The following GSDMC variants were observed in gnomAD, a reference collection of about 807,000 sequenced individuals.
The protein encoded by GSDMC is gasdermin C.
In GSDMC, 59 loss-of-function variants were observed where a neutral mutation model predicts 58.0. The ratio of observed to expected loss-of-function variants is 1.02; its 90% CI spans 0.82 to 1.26. The LOEUF (loss-of-function observed/expected upper bound fraction) is 1.26. Among genes scored for constraint, GSDMC ranks in the 50% most tolerant of loss-of-function variants. The pLI, the probability that GSDMC is intolerant of heterozygous loss-of-function variation, is 0.00. For synonymous variants in GSDMC, 241 were observed against 220.2 expected, an observed-to-expected ratio of 1.09 and a Z score of -0.83; for missense variants, 659 against 598.5, an observed-to-expected ratio of 1.10 and a Z score of -1.06.
At chr8:129,728,991 A>G in the GSDMC span, 1 of 666,530 alleles carries the variant, frequency 1.5e-6, no homozygotes. Flanking sequence ...GCGGGAGACC[A>G]AGAGCTTGCT....
the GSDMC span, among the ~76,000 whole-genome samples, chr8:129,741,866 T>G: frequency 6.8e-6 from 1 of 147,610 alleles, no homozygotes; most frequent in Non-Finnish European, 1.5e-5. Flanking sequence ...TTACAATAGA[T>G]GAAACCAATC....
the GSDMC span, among the ~76,000 whole-genome samples, chr8:129,710,646 A>G: frequency 6.6e-6 from 1 of 152,224 alleles, no homozygotes; most frequent in African/African-American, 2.4e-5. Context: ...ACAGCCTGAA[A>G]GAGTCAGCAG....
the GSDMC span, among the ~76,000 whole-genome samples, chr8:129,718,875 C>T: frequency 0.033 from 5,011 of 152,250 alleles, 133 homozygotes; most frequent in Non-Finnish European, 0.048. Flanking sequence ...GAGTTCATGT[C>T]CTTTGCAGGG....
At chr8:129,741,330 C>A in the GSDMC span, among the ~76,000 whole-genome samples, 1 of 151,932 alleles carries the variant, frequency 6.6e-6, no homozygotes, top group Admixed American at 6.6e-5. Flanking sequence ...TATTCACAGT[C>A]TTTTCTGGTT....
At chr8:129,732,386 AG>A in the GSDMC span, among the ~76,000 whole-genome samples, 4 of 151,928 alleles carry the variant, frequency 2.6e-5, no homozygotes, top group Admixed American at 6.6e-5. Context: ...CCCCCTAGGG[AG>A]GGGGGAAAAG....
At chr8:129,715,585 A>G in the GSDMC span, among the ~76,000 whole-genome samples, 1 of 152,194 alleles carries the variant, frequency 6.6e-6, no homozygotes, top group Non-Finnish European at 1.5e-5. Flanking sequence ...GAGTTTCAAA[A>G]TCAAACTAAA....
chr8:129,720,049 C>A, the GSDMC span, among the ~76,000 whole-genome samples: 100,821 of 152,084 alleles, frequency 0.66, 35,557 homozygotes, highest in African/African-American at 0.91. Flanking sequence ...TCCCTATGAA[C>A]AATTCGAAAC....
At chr8:129,752,583 T>C (rs2033253636) in intron 7 of GSDMC, 115 bp downstream of exon 7, 1 of 1,438,634 alleles carries the variant, frequency 7.0e-7, no homozygotes, top group African/African-American at 1.4e-5. Flanking sequence ...AGCAAGATGG[T>C]GCAATAGAAG....
chr8:129,779,858 G>A (rs1317315685), intron 1 of GSDMC, among the ~76,000 whole-genome samples: 1 of 151,882 alleles, frequency 6.6e-6, no homozygotes, highest in Non-Finnish European at 1.5e-5. Flanking sequence ...GCTGTTTTGA[G>A]GACACTCAAA....
At chr8:129,761,210 T>C (rs2033648622) in intron 5 of GSDMC, among the ~76,000 whole-genome samples, 1 of 152,278 alleles carries the variant, frequency 6.6e-6, no homozygotes, top group African/African-American at 2.4e-5. Flanking sequence ...TGGAGATACA[T>C]GCCCAGCAAT....
chr8:129,737,786 G>A, the GSDMC span, among the ~76,000 whole-genome samples: 1 of 152,094 alleles, frequency 6.6e-6, no homozygotes, highest in Admixed American at 6.5e-5. Context: ...CAAAAGCAAT[G>A]GCAACAAAAG....
intron 1 of GSDMC, among the ~76,000 whole-genome samples, chr8:129,782,555 G>T (rs1244953650): frequency 1.3e-5 from 2 of 152,026 alleles, no homozygotes; most frequent in African/African-American, 2.4e-5. Context: ...GGAATTCAAA[G>T]GATTATTGGC....
chr8:129,707,246 A>G, the GSDMC span: 1 of 152,180 alleles, frequency 6.6e-6, no homozygotes, highest in Non-Finnish European at 1.5e-5. Context: ...CAGGCATCTA[A>G]AAAATATTTG....
chr8:129,761,150 C>T (rs2033645456), intron 5 of GSDMC, among the ~76,000 whole-genome samples: 1 of 152,160 alleles, frequency 6.6e-6, no homozygotes, highest in Non-Finnish European at 1.5e-5. Flanking sequence ...TGTCAGACGC[C>T]TCACTGTAAA....
intron 7 of GSDMC, 76 bp from the exon 8 acceptor site, chr8:129,752,223 C>T (rs753187259): frequency 7.1e-5 from 81 of 1,141,966 alleles, no homozygotes; most frequent in Non-Finnish European, 1.0e-4. Flanking sequence ...TTCTTTCCCT[C>T]TTGGTCTCAC....
At chr8:129,778,185 T>A (rs1170203139) in intron 1 of GSDMC, among the ~76,000 whole-genome samples, 2 of 152,120 alleles carry the variant, frequency 1.3e-5, no homozygotes, top group East Asian at 1.9e-4. Context: ...AGGCAGGGCA[T>A]AAACAATGAA....
chr8:129,744,859 A>G (rs905237101), downstream of GSDMC, among the ~76,000 whole-genome samples: 4 of 152,238 alleles, frequency 2.6e-5, no homozygotes, highest in African/African-American at 4.8e-5. Context: ...TGCTCATTTA[A>G]CAATGCTATC....
In GSDMC at chr8:129,749,495, G is replaced by T. The variant is rs756962115; in HGVS notation, c.1244C>A (p.Ala415Asp). 1.2e-5 allele frequency: 20 copies of T among 1,613,742 alleles called. No individual in the cohort carries two copies. The East Asian group carries it at 4.5e-4, about 36-fold the overall frequency. ...CAGGATCCTCTTCTCCATGGAACAGGCCAGCAAATCGTGTTGGAAGTCACT... is the reference window on the plus strand; with the variant it reads ...CAGGATCCTCTTCTCCATGGAACAGTCCAGCAAATCGTGTTGGAAGTCACT... The part of the protein sequence containing the change: ...VLSDFQHDLL[A>D]CSMEKRILLQ... Residue 415 changes from alanine to aspartate, a missense_variant, in exon 13 of 14, where the codon GCC becomes GAC. Coordinates refer to ENST00000276708, the MANE Select transcript of GSDMC (RefSeq NM_031415.3).
At chr8:129,723,811 A>G in the GSDMC span, among the ~76,000 whole-genome samples, 1 of 152,174 alleles carries the variant, frequency 6.6e-6, no homozygotes, top group Non-Finnish European at 1.5e-5. Flanking sequence ...TTCTCTATGA[A>G]TTACTCTAGA....
Sources: allele counts gnomAD v4.1 joint callset (sites outside exome capture counted in the v4.1 genomes callset), GRCh38; gene constraint gnomAD v4.1.1; transcripts MANE v1.5; gene names NCBI Gene and HGNC (gene_info 2026-07-23, HGNC 2026-07-21).